The following FCGR2B variants were observed in gnomAD, a reference collection of about 807,000 sequenced individuals.
FCGR2B encodes low affinity immunoglobulin gamma Fc region receptor II-b.
A neutral mutation model predicts 24.8 loss-of-function variants in FCGR2B; 18 were observed. The ratio of observed to expected loss-of-function variants is 0.73; its 90% CI spans 0.50 to 1.08. The LOEUF (loss-of-function observed/expected upper bound fraction) is 1.08, where lower values mean the gene tolerates loss of function less well. Among genes scored for constraint, FCGR2B ranks in the 50% least tolerant of loss-of-function variants. The probability of loss-of-function intolerance (pLI) is 0.00; values close to 1 mark genes in which losing one functional copy is unlikely to be tolerated. For missense variants in FCGR2B, 215 were observed against 297.6 expected (o/e 0.72, Z 2.04); for synonymous variants, 79 against 109.8 (o/e 0.72, Z 1.75).
rs1282610427 is a variant in FCGR2B, at chr1:161,669,615, AAAATAAAATG to A, written c.113-635_113-626del. On this transcript the variant is annotated intron_variant, in intron 1 of 7. Coordinates refer to ENST00000358671, the MANE Select transcript of FCGR2B (RefSeq NM_001394477.1). ...AAAATAAAATAAAATAAAATAAAAT[AAAATAAAATG>A]ACAACATAGAAACAGATTCATCTTC... Among the ~76,000 whole-genome samples, 2 of 140,550 alleles carry A rather than the reference AAAATAAAATG, an allele frequency of 1.4e-5. 1 individual carries two copies. Among genetic ancestry groups the A allele is most frequent in the African/African-American group, 5.1e-5 (2 of 39,576 alleles). 92.2% of individuals were successfully genotyped at this position (140,550 alleles called of 152,430 possible). A position where few individuals can be genotyped will look rare whatever the true frequency, so the allele number is the denominator to read the frequency against.
the FCGR2B span, among the ~76,000 whole-genome samples, chr1:161,650,412 A>T: frequency 6.9e-6 from 1 of 145,186 alleles, no homozygotes; most frequent in Non-Finnish European, 1.5e-5. Context: ...GGAGATAAAG[A>T]CTGAGGAGTC....
the FCGR2B span, among the ~76,000 whole-genome samples, chr1:161,655,109 TA>T: frequency 4.0e-5 from 6 of 148,460 alleles, no homozygotes; most frequent in Non-Finnish European, 7.5e-5. Context: ...TGGTATGTTT[TA>T]AAAGTTATCA....
the FCGR2B span, among the ~76,000 whole-genome samples, chr1:161,648,817 G>A: frequency 6.6e-6 from 1 of 150,762 alleles, no homozygotes; most frequent in African/African-American, 2.4e-5. Flanking sequence ...AGCCTCCAGA[G>A]TAGATGGGAC....
chr1:161,671,816 CAGA>C (rs1681692499), intron 3 of FCGR2B, 167 bp downstream of exon 3: 6 of 1,377,030 alleles, frequency 4.4e-6, no homozygotes, highest in South Asian at 3.0e-5. Context: ...TCTGATTGAA[CAGA>C]AGAAGGTTTC....
At chr1:161,652,236 T>C in the FCGR2B span, among the ~76,000 whole-genome samples, 2,170 of 133,754 alleles carry the variant, frequency 0.016, 267 homozygotes, top group African/African-American at 0.053. Flanking sequence ...ATTACATATA[T>C]GTTAGGCCAG....
chr1:161,651,817 C>A, the FCGR2B span, among the ~76,000 whole-genome samples: 1 of 124,686 alleles, frequency 8.0e-6, no homozygotes, highest in African/African-American at 2.7e-5. Flanking sequence ...CCTGTAATCC[C>A]AGCTAATTGG....
chr1:161,650,171 T>G, the FCGR2B span, among the ~76,000 whole-genome samples: 1 of 148,226 alleles, frequency 6.7e-6, no homozygotes, highest in African/African-American at 2.5e-5. Flanking sequence ...CTGGCTAATT[T>G]TTGTATTTTT....
chr1:161,675,992 AC>A (rs1427826786), intron 6 of FCGR2B: 4 of 232,198 alleles, frequency 1.7e-5, no homozygotes, highest in African/African-American at 8.8e-5. Context: ...CAGTCTCCTC[AC>A]TGAGGAAATG....
At chr1:161,647,700 A>G in the FCGR2B span, among the ~76,000 whole-genome samples, 1 of 150,912 alleles carries the variant, frequency 6.6e-6, no homozygotes, top group African/African-American at 2.4e-5. Context: ...TGTAAACTGG[A>G]TTCCTTCGTC....
upstream of FCGR2B, among the ~76,000 whole-genome samples, chr1:161,661,343 C>T (rs1261475450): frequency 3.0e-5 from 4 of 135,318 alleles, no homozygotes; most frequent in African/African-American, 1.2e-4. Context: ...CCTTATCTTA[C>T]ATGAAGTGCC....
Position 161,677,738 on chromosome 1 carries a change from C to G in FCGR2B, c.*185C>G. The G allele has an allele frequency of 1.7e-6, 1 of 578,668 alleles. No individual in the cohort carries two copies. Among genetic ancestry groups the G allele is most frequent in the Middle Eastern group, 4.5e-4 (1 of 2,234 alleles). 35.8% of individuals were successfully genotyped at this position (578,668 alleles called of 1,614,324 possible). Reference sequence around the variant, plus strand: ...CTGAAAGCCACAGACAATATGGTCCCAAATAACCGACTGCACCTTCTGTGC... The same window carrying G: ...CTGAAAGCCACAGACAATATGGTCCGAAATAACCGACTGCACCTTCTGTGC... On this transcript the variant is annotated 3_prime_UTR_variant, in exon 8 of 8. Transcript: ENST00000358671.
rs1682289451 is a variant in FCGR2B, at chr1:161,678,060, C to G, written c.*507C>G. 4.6e-6 allele frequency: 1 copy of G among 217,262 alleles called. No individual in the cohort carries two copies. The highest frequency in any genetic ancestry group is 2.3e-5 in the African/African-American group (1 of 44,436). The allele number at this position is 217,262 out of a possible 1,614,324, so 13.5% of individuals were successfully genotyped here. On this transcript the variant is annotated 3_prime_UTR_variant, in exon 8 of 8. Coordinates refer to ENST00000358671, the MANE Select transcript of FCGR2B (RefSeq NM_001394477.1). Reference sequence around the variant, plus strand: ...AATAAAACATTATAAAAACAACATTCTGTTTACCTTTTCAAGGCTGTATTG... The same window carrying G: ...AATAAAACATTATAAAAACAACATTGTGTTTACCTTTTCAAGGCTGTATTG...
chr1:161,677,243 C>G (rs946675438), intron 6 of FCGR2B, 85 bp from the exon 7 acceptor site: 3 of 1,331,130 alleles, frequency 2.3e-6, no homozygotes, highest in Non-Finnish European at 3.2e-6. Context: ...CTAGTTTGGG[C>G]GTTGGTTTTG....
At chr1:161,647,704 C>T in the FCGR2B span, among the ~76,000 whole-genome samples, 2 of 150,920 alleles carry the variant, frequency 1.3e-5, no homozygotes, top group African/African-American at 4.9e-5. Flanking sequence ...AACTGGATTC[C>T]TTCGTCCTGC....
intron 4 of FCGR2B, 31 bp downstream of exon 4, chr1:161,673,260 G>A: frequency 6.4e-7 from 1 of 1,566,894 alleles, no homozygotes; most frequent in Non-Finnish European, 8.7e-7. Context: ...TGTAAGGAGG[G>A]GAGAAGAGGG....
chr1:161,672,811 C>G (rs1364032039), intron 3 of FCGR2B, 164 bp from the exon 4 acceptor site: 1 of 1,150,758 alleles, frequency 8.7e-7, no homozygotes, highest in Non-Finnish European at 1.2e-6. Context: ...AAATTATTTG[C>G]CCAAGAGTTC....
intron 3 of FCGR2B, 175 bp downstream of exon 3, chr1:161,671,824 G>T: frequency 2.3e-6 from 3 of 1,324,374 alleles, no homozygotes; most frequent in South Asian, 1.5e-5. Context: ...AACAGAAGAA[G>T]GTTTCAAGGC....
rs1002114093 is a variant in FCGR2B at position 161,678,407 on chromosome 1, T to C, written c.*854T>C. The C allele has an allele frequency of 1.6e-4, 35 of 217,838 alleles. No homozygotes were observed. Among genetic ancestry groups the C allele is most frequent in the African/African-American group, 7.6e-4 (34 of 44,578 alleles). The allele number at this position is 217,838 out of a possible 1,614,324, so 13.5% of individuals were successfully genotyped here. A position where few individuals can be genotyped will look rare whatever the true frequency, so the allele number is the denominator to read the frequency against. ...AAGTATTCAGTACAGTAGCATGCTG[T>C]ACAGGTTTGTAGCCTAGGGGCAATA... On this transcript the variant is annotated 3_prime_UTR_variant, in exon 8 of 8. Transcript: ENST00000358671.
intron 7 of FCGR2B, 29 bp downstream of exon 7, chr1:161,677,394 C>T: frequency 6.2e-7 from 1 of 1,612,974 alleles, no homozygotes; most frequent in South Asian, 1.1e-5. Context: ...CTCCCCCTCC[C>T]TTCTCCCCTG....
Sources: gnomAD v4.1 joint callset for allele counts (sites outside exome capture counted in the v4.1 genomes callset) on GRCh38, gnomAD v4.1.1 for gene constraint, MANE v1.5 for transcripts, NCBI Gene and HGNC (gene_info 2026-07-23, HGNC 2026-07-21) for gene names.